NRXN3: variants seen among roughly 807,000 people sequenced by gnomAD.
The protein encoded by NRXN3 is neurexin III.
Under a neutral mutation model 137.6 loss-of-function variants are expected in NRXN3, and 32 were observed. The observed-to-expected ratio is 0.23, with a 90% CI of 0.18 to 0.31. The LOEUF (loss-of-function observed/expected upper bound fraction) is 0.31. Among genes scored for constraint, NRXN3 ranks in the 10% least tolerant of loss-of-function variants. NRXN3 has a pLI of 1.00. For missense variants in NRXN3, 1,574 were observed against 2,062.5 expected, an observed-to-expected ratio of 0.76 and a Z score of 4.59; for synonymous variants, 798 against 784.5, an observed-to-expected ratio of 1.02 and a Z score of -0.29.
intron 8 of NRXN3, among the ~76,000 whole-genome samples, chr14:78,760,206 C>T (rs1288129920): frequency 6.6e-6 from 1 of 151,264 alleles, no homozygotes; most frequent in East Asian, 2.0e-4. Flanking sequence ...CCACACCTGG[C>T]TAATTTTGTA....
intron 4 of NRXN3, among the ~76,000 whole-genome samples, chr14:78,525,834 T>A (rs1426696072): frequency 6.6e-6 from 1 of 152,234 alleles, no homozygotes; most frequent in Non-Finnish European, 1.5e-5. Flanking sequence ...ATTAGCAGTG[T>A]GACCTTAATT....
chr14:79,357,491 A>G (rs994540349), intron 15 of NRXN3, among the ~76,000 whole-genome samples: 1 of 152,162 alleles, frequency 6.6e-6, no homozygotes, highest in African/African-American at 2.4e-5. Flanking sequence ...TTAAGCACTG[A>G]AAGTTTCACT....
At chr14:78,170,895 C>G (rs933371242) in intron 1 of NRXN3, among the ~76,000 whole-genome samples, 29 of 151,156 alleles carry the variant, frequency 1.9e-4, no homozygotes, top group African/African-American at 6.8e-4. Context: ...AAGTTGGGTC[C>G]TTTTCCTCCA....
intron 15 of NRXN3, among the ~76,000 whole-genome samples, chr14:79,114,784 T>G (rs547020071): frequency 6.6e-6 from 1 of 152,018 alleles, no homozygotes; most frequent in East Asian, 1.9e-4. Flanking sequence ...CACCTCAGTC[T>G]CCCAAAGTGC....
At chr14:79,020,703 C>T (rs2099588141) in intron 15 of NRXN3, among the ~76,000 whole-genome samples, 1 of 152,030 alleles carries the variant, frequency 6.6e-6, no homozygotes, top group African/African-American at 2.4e-5. Context: ...ATTTAAAAAA[C>T]AAAGTTTGTT....
chr14:78,567,314 T>C lies in NRXN3; in HGVS notation c.758-77806T>C, dbSNP rs1252247080. On this transcript the variant is annotated intron_variant, in intron 4 of 20. Coordinates refer to ENST00000335750, the MANE Select transcript of NRXN3 (RefSeq NM_001330195.2). ...TAGAAAGGTAGATAATAAACTGGCT[T>C]CACCACTTCTCAACTTTCCCCAGAG... 2.0e-5 allele frequency among the ~76,000 whole-genome samples: 3 copies of C among 152,220 alleles called. No individual in the cohort carries two copies. The East Asian group carries it at 5.8e-4, about 29-fold the overall frequency.
At chr14:79,608,407 C>T (rs183182861) in intron 16 of NRXN3, among the ~76,000 whole-genome samples, 41 of 152,244 alleles carry the variant, frequency 2.7e-4, no homozygotes, top group African/African-American at 9.1e-4. Flanking sequence ...AGGAAAGTTA[C>T]AGAACTTGGC....
intron 15 of NRXN3, among the ~76,000 whole-genome samples, chr14:79,318,807 G>A (rs996470567): frequency 2.0e-5 from 3 of 152,024 alleles, no homozygotes; most frequent in Non-Finnish European, 2.9e-5. Flanking sequence ...ATTCACCAGG[G>A]AACATTTTAT....
At chr14:78,908,414 T>C (rs1434547385) in intron 10 of NRXN3, among the ~76,000 whole-genome samples, 4 of 152,064 alleles carry the variant, frequency 2.6e-5, no homozygotes, top group African/African-American at 9.7e-5. Context: ...GTCTCACCAG[T>C]CAGCTTTTTC....
chr14:78,413,924 G>C (rs191825337), intron 4 of NRXN3, among the ~76,000 whole-genome samples: 1 of 152,130 alleles, frequency 6.6e-6, no homozygotes, highest in African/African-American at 2.4e-5. Flanking sequence ...TGAATCATGG[G>C]GGCAGGTTTT....
intron 15 of NRXN3, chr14:79,201,324 A>G (rs2065972415): frequency 1.3e-5 from 2 of 152,208 alleles, no homozygotes; most frequent in Non-Finnish European, 2.9e-5. Context: ...CGTGGCACAT[A>G]CCAACTCAAT....
chr14:79,654,212 T>A (rs2098492880), intron 16 of NRXN3, among the ~76,000 whole-genome samples: 1 of 152,126 alleles, frequency 6.6e-6, no homozygotes, highest in Non-Finnish European at 1.5e-5. Flanking sequence ...ATGTTACAGG[T>A]TCCTCATTTG....
rs185961241 is a variant in NRXN3 at position 79,125,194 on chromosome 14, C to T, written c.3262+137053C>T. On this transcript the variant is annotated intron_variant, in intron 15 of 20. Coordinates refer to ENST00000335750, the MANE Select transcript of NRXN3 (RefSeq NM_001330195.2). ...CATCTTCTAGATCTCGACTCAACAT[C>T]TCCTTCTTAGGCCATTTCTGACCAC... Among the ~76,000 whole-genome samples, 358 of 152,284 alleles carry T rather than the reference C, an allele frequency of 2.4e-3. 1 individual carries two copies. Among genetic ancestry groups the T allele is most frequent in the African/African-American group, 8.1e-3 (338 of 41,552 alleles).
At chr14:78,620,488 G>A (rs994261086) in intron 4 of NRXN3, among the ~76,000 whole-genome samples, 1 of 152,160 alleles carries the variant, frequency 6.6e-6, no homozygotes, top group Non-Finnish European at 1.5e-5. Context: ...TACATGCCCA[G>A]TTGGTGGCTA....
intron 4 of NRXN3, among the ~76,000 whole-genome samples, chr14:78,573,043 A>G (rs1346299146): frequency 6.6e-6 from 1 of 152,218 alleles, no homozygotes; most frequent in Non-Finnish European, 1.5e-5. Context: ...GAGTTCTCAC[A>G]AGATCCGATG....
At chr14:78,620,804 C>G (rs977079377) in intron 4 of NRXN3, among the ~76,000 whole-genome samples, 4 of 151,922 alleles carry the variant, frequency 2.6e-5, no homozygotes, top group African/African-American at 7.3e-5. Context: ...ATTATTATAC[C>G]TATTTTATAG....
At chr14:79,080,185 G>T (rs1188669482) in intron 15 of NRXN3, among the ~76,000 whole-genome samples, 1 of 152,100 alleles carries the variant, frequency 6.6e-6, no homozygotes, top group Non-Finnish European at 1.5e-5. Flanking sequence ...GGATTTCTTT[G>T]TGAGGAAATC....
intron 8 of NRXN3, among the ~76,000 whole-genome samples, chr14:78,776,031 C>A (rs945369039): frequency 6.6e-6 from 1 of 152,088 alleles, no homozygotes. Context: ...CACCAAGAAC[C>A]AATGTTATAT....
intron 10 of NRXN3, among the ~76,000 whole-genome samples, chr14:78,926,909 A>T (rs1243602169): frequency 3.5e-5 from 1 of 28,864 alleles, no homozygotes; most frequent in Non-Finnish European, 4.8e-5. Context: ...TAATATATAT[A>T]ATATATATAT....
Sources: gnomAD v4.1 joint callset for allele counts (sites outside exome capture counted in the v4.1 genomes callset) on GRCh38, gnomAD v4.1.1 for gene constraint, MANE v1.5 for transcripts, NCBI Gene and HGNC (gene_info 2026-07-23, HGNC 2026-07-21) for gene names.